Variants in RBBP7 observed in about 807,000 individuals in gnomAD.
The protein encoded by RBBP7 is RB binding protein 7, chromatin remodeling factor.
A neutral mutation model predicts 35.2 loss-of-function variants in RBBP7; 5 were observed. The ratio of observed to expected loss-of-function variants is 0.14; its 90% CI spans 0.07 to 0.30. The LOEUF is 0.30. RBBP7 is among the 10% of genes least tolerant of loss of function. RBBP7 has a pLI of 1.00. For missense variants in RBBP7, 155 were observed against 327.5 expected, an observed-to-expected ratio of 0.47 and a Z score of 4.07; for synonymous variants, 140 against 118.7, an observed-to-expected ratio of 1.18 and a Z score of -1.17.
intron 9 of RBBP7, among the ~76,000 whole-genome samples, chrX:16,850,925 T>G (rs1193229833): frequency 1.8e-5 from 2 of 111,291 alleles, no homozygotes; most frequent in Non-Finnish European, 3.8e-5. Flanking sequence ...ATGGCAAAGC[T>G]CTGCCTTTAT....
chrX:16,867,784 T>C (rs1454542441), intron 2 of RBBP7, among the ~76,000 whole-genome samples: 1 of 110,426 alleles, frequency 9.1e-6, no homozygotes, highest in Non-Finnish European at 1.9e-5. Flanking sequence ...GCAATTCTCC[T>C]GCCTCTGCCT....
intron 1 of RBBP7, chrX:16,869,485 T>G: frequency 4.3e-6 from 5 of 1,165,809 alleles, no homozygotes; most frequent in Non-Finnish European, 4.6e-6. Flanking sequence ...CTGTTACAGC[T>G]GTTCGCACCT....
intron 9 of RBBP7, among the ~76,000 whole-genome samples, chrX:16,851,429 T>C (rs1291929386): frequency 8.9e-6 from 1 of 112,166 alleles, no homozygotes; most frequent in South Asian, 3.7e-4. Context: ...CTTTATTAAG[T>C]TCTAAAGGCT....
intron 2 of RBBP7, among the ~76,000 whole-genome samples, chrX:16,868,761 G>C (rs1930690163): frequency 8.9e-6 from 1 of 112,182 alleles, no homozygotes; most frequent in Admixed American, 9.4e-5. Context: ...CTATTTTTCA[G>C]TAAAGTTTTA....
At chrX:16,855,156 TCTC>T (rs1317644085) in intron 5 of RBBP7, among the ~76,000 whole-genome samples, 2 of 109,890 alleles carry the variant, frequency 1.8e-5, no homozygotes, top group Non-Finnish European at 3.8e-5. Context: ...TTCAAGCAAT[TCTC>T]CTCCCTCAGC....
In RBBP7 at chrX:16,858,809, A is replaced by G. The variant is rs1217150645; in HGVS notation, c.348T>C (p.Cys116=). ...CTCCTTCGTGATTGATTTTAATTTC[A>G]CATTCAATTTTTCCTGTTACAGAAC... ...GFGSVTGKIE[C]EIKINHEGEV... The change falls in exon 4 of 12, where the codon TGT becomes TGC. Residue 116 remains cysteine, a synonymous_variant. Coordinates refer to ENST00000380087, the MANE Select transcript of RBBP7 (RefSeq NM_002893.4). 8.3e-7 allele frequency: 1 copy of G among 1,209,612 alleles called. No homozygotes were observed. Among genetic ancestry groups the G allele is most frequent in the Non-Finnish European group, 1.1e-6 (1 of 895,238 alleles).
intron 4 of RBBP7, among the ~76,000 whole-genome samples, chrX:16,858,237 G>A (rs920492001): frequency 8.9e-6 from 1 of 111,869 alleles, no homozygotes; most frequent in Non-Finnish European, 1.9e-5. Flanking sequence ...TGTTACCATG[G>A]CTGGTCATAG....
intron 9 of RBBP7, among the ~76,000 whole-genome samples, chrX:16,851,586 A>C (rs1206668849): frequency 8.9e-6 from 1 of 111,871 alleles, no homozygotes; most frequent in Non-Finnish European, 1.9e-5. Flanking sequence ...TCCCCTTCAC[A>C]AAGGTCTCCC....
At chrX:16,869,372 G>C in intron 1 of RBBP7, 152 bp from the exon 2 acceptor site, 2 of 1,056,581 alleles carry the variant, frequency 1.9e-6, no homozygotes, top group East Asian at 6.3e-5. Flanking sequence ...AGAAGGTGGA[G>C]AAAATACTAA....
intron 10 of RBBP7, 49 bp from the exon 11 acceptor site, chrX:16,845,987 T>C (rs773958698): frequency 3.4e-6 from 4 of 1,178,041 alleles, no homozygotes; most frequent in South Asian, 1.9e-5. Flanking sequence ...CTCCTGTTAA[T>C]CCTAACAAAG....
At chrX:16,850,608 G>A (rs979195093) in intron 9 of RBBP7, among the ~76,000 whole-genome samples, 1 of 112,830 alleles carries the variant, frequency 8.9e-6, no homozygotes, top group Non-Finnish European at 1.9e-5. Flanking sequence ...CACGGCAAGA[G>A]TTTGCTCCAT....
chrX:16,862,722 G>A (rs1451418601), intron 3 of RBBP7, among the ~76,000 whole-genome samples: 1 of 111,202 alleles, frequency 9.0e-6, no homozygotes, highest in Admixed American at 9.6e-5. Context: ...AACATACCAT[G>A]TGCTTAACCA....
intron 2 of RBBP7, among the ~76,000 whole-genome samples, chrX:16,864,419 G>A (rs956478761): frequency 1.9e-5 from 2 of 107,555 alleles, no homozygotes; most frequent in African/African-American, 3.4e-5. Context: ...CTCAGGAGGC[G>A]GAGGCAGGAG....
chrX:16,867,175 A>C (rs1930645251), intron 2 of RBBP7, among the ~76,000 whole-genome samples: 1 of 111,606 alleles, frequency 9.0e-6, no homozygotes, highest in African/African-American at 3.3e-5. Context: ...TTTAACATGC[A>C]TGATCTTATT....
At chrX:16,853,953 G>C (rs1930280588) in intron 5 of RBBP7, 111 bp from the exon 6 acceptor site, 1 of 615,026 alleles carries the variant, frequency 1.6e-6, no homozygotes, top group Admixed American at 5.2e-5. Context: ...TGCGATCTCG[G>C]CTCACTGCAG....
intron 2 of RBBP7, among the ~76,000 whole-genome samples, chrX:16,864,548 G>A (rs6632905): frequency 0.028 from 840 of 30,268 alleles, 48 homozygotes; most frequent in East Asian, 0.18. Context: ...AAAAAAAAAA[G>A]AAAAAGAAAG....
intron 5 of RBBP7, 109 bp downstream of exon 5, chrX:16,857,485 T>G: frequency 9.1e-7 from 1 of 1,098,871 alleles, no homozygotes; most frequent in Non-Finnish European, 1.2e-6. Flanking sequence ...ACCACAATAA[T>G]CAGCAGTATT....
At chrX:16,869,041 A>G (rs1385915543) in intron 2 of RBBP7, 35 bp downstream of exon 2, 1 of 1,182,752 alleles carries the variant, frequency 8.5e-7, no homozygotes, top group Non-Finnish European at 1.1e-6. Flanking sequence ...CGACAGTTAA[A>G]TTTAAACAAA....
chrX:16,869,838 C>T (rs1392902173), intron 1 of RBBP7, 200 bp downstream of exon 1: 1 of 878,165 alleles, frequency 1.1e-6, no homozygotes, highest in Non-Finnish European at 1.4e-6. Context: ...CGGCCCCGCG[C>T]CCGGCTCCGG....
Sources: gnomAD v4.1 joint callset for allele counts (sites outside exome capture counted in the v4.1 genomes callset) on GRCh38, gnomAD v4.1.1 for gene constraint, MANE v1.5 for transcripts, NCBI Gene and HGNC (gene_info 2026-07-23, HGNC 2026-07-21) for gene names.